Variants in AGMO observed in about 807,000 individuals in gnomAD.
AGMO encodes the protein alkylglycerol monooxygenase, also known as glyceryl-ether monooxygenase.
In AGMO, 75 loss-of-function variants were observed where a neutral mutation model predicts 60.2. The observed-to-expected ratio is 1.25, with a 90% confidence interval of 1.03 to 1.51. The LOEUF (loss-of-function observed/expected upper bound fraction) is 1.51, where lower values mean the gene tolerates loss of function less well. Ranked by LOEUF, AGMO falls within the 40% of genes most tolerant of loss-of-function variation. The pLI, the probability that AGMO is intolerant of heterozygous loss-of-function variation, is 0.00. For synonymous variants in AGMO, 261 were observed against 177.1 expected (o/e 1.47, Z -3.76); for missense variants, 763 against 525.5 (o/e 1.45, Z -4.42).
At chr7:15,259,340 C>G (rs996318200) in intron 12 of AGMO, among the ~76,000 whole-genome samples, 11 of 151,726 alleles carry the variant, frequency 7.2e-5, no homozygotes, top group Non-Finnish European at 1.3e-4. Flanking sequence ...TTTGGATTAA[C>G]CCAATCCATC....
intron 3 of AGMO, among the ~76,000 whole-genome samples, chr7:15,529,667 C>CTATATACAGAATATATAG (rs1784243011): frequency 6.6e-5 from 1 of 15,044 alleles, no homozygotes; most frequent in Non-Finnish European, 1.3e-4. Context: ...TATATATATT[C>CTATATACAGAATATATAG]TATATATATT....
intron 8 of AGMO, among the ~76,000 whole-genome samples, chr7:15,388,247 C>G (rs1186729400): frequency 6.6e-6 from 1 of 152,066 alleles, no homozygotes; most frequent in Non-Finnish European, 1.5e-5. Context: ...ACCATTTATG[C>G]CTAGTGTTCC....
intron 12 of AGMO, chr7:15,358,113 C>T (rs544837003): frequency 5.8e-6 from 1 of 171,066 alleles, no homozygotes; most frequent in Admixed American, 6.3e-5. Flanking sequence ...GCATCCCTTG[C>T]ATTTTGAAGT....
At chr7:15,326,459 A>G (rs1781341771) in intron 12 of AGMO, among the ~76,000 whole-genome samples, 1 of 152,076 alleles carries the variant, frequency 6.6e-6, no homozygotes, top group Non-Finnish European at 1.5e-5. Flanking sequence ...AAATACACAG[A>G]CCTCTTAACT....
chr7:15,338,056 TTA>T (rs1248501478), intron 12 of AGMO, among the ~76,000 whole-genome samples: 2 of 152,202 alleles, frequency 1.3e-5, no homozygotes, highest in Non-Finnish European at 2.9e-5. Flanking sequence ...TAAATTACTT[TTA>T]GAGTATGTTC....
intron 12 of AGMO, among the ~76,000 whole-genome samples, chr7:15,302,218 T>C (rs1780466262): frequency 6.6e-6 from 1 of 152,160 alleles, no homozygotes; most frequent in African/African-American, 2.4e-5. Flanking sequence ...AGATAAACTA[T>C]TAGTTTGGTC....
intron 12 of AGMO, among the ~76,000 whole-genome samples, chr7:15,300,172 A>G (rs1784526389): frequency 6.6e-6 from 1 of 152,168 alleles, no homozygotes; most frequent in Non-Finnish European, 1.5e-5. Context: ...GATTGGAACA[A>G]AGAGATACCC....
At chr7:15,156,348 A>T in the AGMO span, among the ~76,000 whole-genome samples, 1 of 78,824 alleles carries the variant, frequency 1.3e-5, no homozygotes, top group Non-Finnish European at 3.1e-5. Context: ...TAACCCTGGG[A>T]GAGGCTGGCG....
chr7:15,290,644 TCATCATTTGG>T lies in AGMO; in HGVS notation c.1263+74860_1263+74869del, dbSNP rs1214755213. On this transcript the variant is annotated intron_variant, in intron 12 of 12. Transcript: ENST00000342526. ...ATGGGCACCAGGCAGTTGGTTTATA[TCATCATTTGG>T]CATCATTTGGTGAATGTCTTATAGA... is the stretch of plus-strand genomic sequence containing the variant. 3.3e-5 allele frequency among the ~76,000 whole-genome samples: 5 copies of T among 152,170 alleles called. No homozygotes were observed. The East Asian group carries it at 9.7e-4, about 29-fold the overall frequency.
chr7:15,497,487 GC>G (rs1783263455), intron 3 of AGMO, among the ~76,000 whole-genome samples: 1 of 151,864 alleles, frequency 6.6e-6, no homozygotes, highest in Admixed American at 6.6e-5. Context: ...CATCATCAAG[GC>G]ATAGAAAACT....
intron 5 of AGMO, among the ~76,000 whole-genome samples, chr7:15,416,884 T>TA (rs1562496505): frequency 6.6e-6 from 1 of 152,104 alleles, no homozygotes; most frequent in African/African-American, 2.4e-5. Context: ...AAAATAATTT[T>TA]AAAAAAATAC....
intron 12 of AGMO, among the ~76,000 whole-genome samples, chr7:15,337,615 G>A (rs1464093104): frequency 1.3e-5 from 2 of 152,084 alleles, no homozygotes; most frequent in Non-Finnish European, 2.9e-5. Flanking sequence ...ATTCTGCCTG[G>A]GAAAATGAGA....
At chr7:15,433,557 G>A (rs930721476) in intron 3 of AGMO, among the ~76,000 whole-genome samples, 2 of 151,994 alleles carry the variant, frequency 1.3e-5, no homozygotes, top group African/African-American at 4.8e-5. Flanking sequence ...TAGTTCTTTT[G>A]TGAACAAAAT....
chr7:15,350,743 A>C (rs570713372), intron 12 of AGMO, among the ~76,000 whole-genome samples: 1 of 152,176 alleles, frequency 6.6e-6, no homozygotes. Context: ...TTTCTGTGAC[A>C]ATTTGATCAT....
chr7:15,305,065 T>C (rs906921575), intron 12 of AGMO, among the ~76,000 whole-genome samples: 6 of 151,760 alleles, frequency 4.0e-5, no homozygotes, highest in Non-Finnish European at 5.9e-5. Context: ...TTGAAATATA[T>C]AAATAAAAGT....
chr7:15,525,999 C>T (rs565186495), intron 3 of AGMO, among the ~76,000 whole-genome samples: 1 of 152,300 alleles, frequency 6.6e-6, no homozygotes, highest in Non-Finnish European at 1.5e-5. Flanking sequence ...GAACTCACTC[C>T]TGTGCCAGTG....
intron 3 of AGMO, among the ~76,000 whole-genome samples, chr7:15,521,093 T>C (rs1364928201): frequency 2.6e-5 from 4 of 152,116 alleles, no homozygotes; most frequent in Non-Finnish European, 5.9e-5. Flanking sequence ...TTAGAAAATC[T>C]AGAAGAAATG....
chr7:15,535,685 T>G (rs886533648), intron 3 of AGMO, among the ~76,000 whole-genome samples: 2 of 151,956 alleles, frequency 1.3e-5, no homozygotes, highest in Admixed American at 1.3e-4. Context: ...GTGTATATAT[T>G]TATGGGGTAC....
intron 12 of AGMO, among the ~76,000 whole-genome samples, chr7:15,271,976 T>C (rs2128514252): frequency 6.6e-6 from 1 of 152,260 alleles, no homozygotes; most frequent in Non-Finnish European, 1.5e-5. Flanking sequence ...ATTTATTGAT[T>C]TGCATGGTTG....
Sources: allele counts gnomAD v4.1 joint callset (sites outside exome capture counted in the v4.1 genomes callset), GRCh38; gene constraint gnomAD v4.1.1; transcripts MANE v1.5; gene names NCBI Gene and HGNC (gene_info 2026-07-23, HGNC 2026-07-21).